The following ATOSA variants were observed in gnomAD, a reference collection of about 807,000 sequenced individuals.
ATOSA encodes atos homolog protein A.
the ATOSA span, among the ~76,000 whole-genome samples, chr15:52,597,203 CTAT>C: frequency 1.3e-3 from 10 of 7,652 alleles, no homozygotes; most frequent in African/African-American, 4.7e-3. Flanking sequence ...CTATTCTATT[CTAT>C]TCTATTCTAT....
the ATOSA span, among the ~76,000 whole-genome samples, chr15:52,627,389 T>C: frequency 6.6e-6 from 1 of 152,202 alleles, no homozygotes; most frequent in Non-Finnish European, 1.5e-5. Context: ...ACTCTATTAG[T>C]ACAGGGGCCA....
At chr15:52,637,276 C>T in the ATOSA span, among the ~76,000 whole-genome samples, 12 of 151,896 alleles carry the variant, frequency 7.9e-5, no homozygotes, top group South Asian at 2.1e-4. Flanking sequence ...TTCTATGGCA[C>T]GGTGAAGTCA....
chr15:52,660,854 T>C, the ATOSA span, among the ~76,000 whole-genome samples: 39 of 152,224 alleles, frequency 2.6e-4, no homozygotes, highest in South Asian at 4.1e-4. Flanking sequence ...GGGTTTCTTC[T>C]TGTTGGTAAG....
chr15:52,661,392 C>T, the ATOSA span, among the ~76,000 whole-genome samples: 2 of 152,166 alleles, frequency 1.3e-5, no homozygotes, highest in African/African-American at 2.4e-5. Context: ...TGAAGTAATA[C>T]AAAATACAGA....
chr15:52,651,092 T>C, the ATOSA span, among the ~76,000 whole-genome samples: 1 of 152,222 alleles, frequency 6.6e-6, no homozygotes, highest in Non-Finnish European at 1.5e-5. Context: ...TTTAATAAGA[T>C]TTGACTATAT....
the ATOSA span, chr15:52,678,691 G>A: frequency 6.5e-6 from 1 of 153,306 alleles, no homozygotes; most frequent in Non-Finnish European, 1.5e-5. Context: ...GGGCTGTCCC[G>A]GGGCGACCCT....
the ATOSA span, among the ~76,000 whole-genome samples, chr15:52,691,986 A>G: frequency 1.3e-5 from 2 of 152,166 alleles, no homozygotes; most frequent in African/African-American, 4.8e-5. Flanking sequence ...TTCCTTAAAT[A>G]AGCTGACCAG....
the ATOSA span, among the ~76,000 whole-genome samples, chr15:52,617,462 A>C: frequency 6.6e-6 from 1 of 152,198 alleles, no homozygotes; most frequent in South Asian, 2.1e-4. Context: ...ATTTTATGGC[A>C]GCCTGAGCAC....
At chr15:52,613,425 G>A in the ATOSA span, among the ~76,000 whole-genome samples, 1 of 152,146 alleles carries the variant, frequency 6.6e-6, no homozygotes, top group Non-Finnish European at 1.5e-5. Context: ...TCTAGCTTAT[G>A]AGACAGCAGG....
the ATOSA span, among the ~76,000 whole-genome samples, chr15:52,595,856 TC>T: frequency 6.6e-6 from 1 of 152,072 alleles, no homozygotes; most frequent in Non-Finnish European, 1.5e-5. Flanking sequence ...ACACTTGTAA[TC>T]CCAGCAGTTT....
chr15:52,606,887 C>T, the ATOSA span, among the ~76,000 whole-genome samples: 2 of 151,988 alleles, frequency 1.3e-5, no homozygotes, highest in Admixed American at 6.6e-5. Flanking sequence ...GATCAAGGTA[C>T]TTCAGAAGAA....
chr15:52,609,603 T>C, the ATOSA span: 5 of 1,612,854 alleles, frequency 3.1e-6, no homozygotes, highest in African/African-American at 1.3e-5. Flanking sequence ...TGGTGTCTTC[T>C]GGGGAACTAA....
At chr15:52,692,220 A>G in the ATOSA span, among the ~76,000 whole-genome samples, 1 of 152,266 alleles carries the variant, frequency 6.6e-6, no homozygotes, top group African/African-American at 2.4e-5. Context: ...GGACTGCTTC[A>G]ACATTATAAA....
At chr15:52,652,744 T>C in the ATOSA span, among the ~76,000 whole-genome samples, 1 of 152,234 alleles carries the variant, frequency 6.6e-6, no homozygotes, top group Non-Finnish European at 1.5e-5. Flanking sequence ...AAAATGTCTC[T>C]GGATACATAG....
the ATOSA span, among the ~76,000 whole-genome samples, chr15:52,683,958 C>A: frequency 1.3e-5 from 2 of 152,332 alleles, no homozygotes; most frequent in Admixed American, 6.5e-5. Context: ...CTCATACACA[C>A]CATCTCTGTC....
chr15:52,622,934 G>A, the ATOSA span, among the ~76,000 whole-genome samples: 1 of 151,262 alleles, frequency 6.6e-6, no homozygotes, highest in South Asian at 2.1e-4. Context: ...ACCAGCCTGG[G>A]CAACACAGTG....
chr15:52,639,191 C>T, the ATOSA span, among the ~76,000 whole-genome samples: 1 of 151,784 alleles, frequency 6.6e-6, no homozygotes, highest in Non-Finnish European at 1.5e-5. Context: ...AGTCTTTGGG[C>T]CTGAAAATCA....
the ATOSA span, among the ~76,000 whole-genome samples, chr15:52,627,071 G>C: frequency 6.6e-6 from 1 of 151,916 alleles, no homozygotes. Context: ...CCCTATTTTT[G>C]TCAATGAGAC....
At chr15:52,626,529 G>GAAAAA in the ATOSA span, among the ~76,000 whole-genome samples, 291 of 141,666 alleles carry the variant, frequency 2.1e-3, 2 homozygotes, top group South Asian at 3.4e-3. Flanking sequence ...AGGGAAAGCT[G>GAAAAA]AAAAAAAAAA....
Sources: allele counts gnomAD v4.1 joint callset (sites outside exome capture counted in the v4.1 genomes callset), GRCh38; gene constraint gnomAD v4.1.1; transcripts MANE v1.5; gene names NCBI Gene and HGNC (gene_info 2026-07-23, HGNC 2026-07-21).